HOTAIR: variants seen among roughly 807,000 people sequenced by gnomAD.
The protein encoded by HOTAIR is HOX transcript antisense RNA, also known as HOX transcript antisense RNA (non-protein coding).
chr12:53,962,366 A>T (rs1938966826), exon 7 of HOTAIR: 1 of 152,224 alleles, frequency 6.6e-6, no homozygotes, highest in Non-Finnish European at 1.5e-5. Context: ...CACACAACCT[A>T]CACAAGGAAT....
At chr12:53,969,715 G>A (rs957177885) in intron 1 of HOTAIR, among the ~76,000 whole-genome samples, 3 of 152,236 alleles carry the variant, frequency 2.0e-5, no homozygotes, top group African/African-American at 7.2e-5. Context: ...ACAAACGAGA[G>A]CGTCCATGTG....
chr12:53,972,208 G>A (rs1369302458), intron 1 of HOTAIR, among the ~76,000 whole-genome samples: 1 of 152,180 alleles, frequency 6.6e-6, no homozygotes, highest in Non-Finnish European at 1.5e-5. Context: ...GAGCCACTAA[G>A]CCAAAGGGCC....
rs372124938 is a variant in HOTAIR, at chr12:53,973,499, G to T, written n.59+1399C>A. The T allele has an allele frequency of 1.9e-5, 31 of 1,614,018 alleles. No individual in the cohort carries two copies. The African/African-American group carries it at 3.6e-4, about 19-fold the overall frequency. On this transcript the variant is annotated intron_variant and non_coding_transcript_variant, in intron 1 of 6. Coordinates refer to ENST00000424518, the Ensembl canonical transcript of HOTAIR. The surrounding 1 kb of genome is among the most constrained non-coding windows in gnomAD (Gnocchi z 4.3). ...AGCCATCCGGCAAGTGGCACCATCG[G>T]AACAGCTACTCCTCCTGCTATGCGG...
Position 53,973,622 on chromosome 12 carries a change from C to T in HOTAIR, n.59+1276G>A, listed in dbSNP as rs1232010650. On this transcript the variant is annotated intron_variant and non_coding_transcript_variant, in intron 1 of 6. Transcript: ENST00000424518. The surrounding 1 kb of genome is among the most constrained non-coding windows in gnomAD (Gnocchi z 4.3). The stretch of plus-strand genomic sequence containing the variant: ...GCTCCTACGGCGGCCACCACCACCC[C>T]AGCGCCCCGCACGCAACCCCCGCCG... 2 of 1,613,790 alleles carry T rather than the reference C, an allele frequency of 1.2e-6. No homozygotes were observed. The highest frequency in any genetic ancestry group is 1.1e-5 in the South Asian group (1 of 91,074).
chr12:53,973,101 T>C lies in HOTAIR; in HGVS notation n.59+1797A>G. ...GTCTGCGAAGTGCTCCGAACTGATA[T>C]ATGACAATATCTACTTTGGATCACG... is the stretch of plus-strand genomic sequence containing the variant. On this transcript the variant is annotated intron_variant and non_coding_transcript_variant, in intron 1 of 6. Transcript: ENST00000424518. The surrounding 1 kb of genome is among the most constrained non-coding windows in gnomAD (Gnocchi z 4.3). 3 of 645,712 alleles carry C rather than the reference T, an allele frequency of 4.6e-6. No individual in the cohort carries two copies. Among genetic ancestry groups the C allele is most frequent in the Non-Finnish European group, 7.8e-6 (3 of 384,214 alleles). The allele number at this position is 645,712 out of a possible 1,614,324, so 40.0% of individuals were successfully genotyped here.
intron 1 of HOTAIR, among the ~76,000 whole-genome samples, chr12:53,974,736 C>G (rs1246783730): frequency 6.6e-6 from 1 of 151,912 alleles, no homozygotes. Flanking sequence ...CCCCGCCTCC[C>G]GACTGCTCTC....
chr12:53,968,660 C>T (rs1325992702), exon 2 of HOTAIR: 1 of 152,424 alleles, frequency 6.6e-6, no homozygotes, highest in Non-Finnish European at 1.5e-5. Flanking sequence ...GATCAAGCTC[C>T]AGAGCACAGG....
rs766983603 is a variant in HOTAIR at position 53,973,795 on chromosome 12, C to T, written n.59+1103G>A. On this transcript the variant is annotated intron_variant and non_coding_transcript_variant, in intron 1 of 6. Coordinates refer to ENST00000424518, the Ensembl canonical transcript of HOTAIR. This position sits in a 1 kb window ranked among gnomAD's most constrained non-coding sequence, Gnocchi z 4.3. ...GCCAAGGGGGAGCCCGAGGCACCCC[C>T]GGCCTCGGGACTGGCGTCCCGGGCT... The T allele has an allele frequency of 2.7e-5, 43 of 1,592,522 alleles. No individual in the cohort carries two copies. The highest frequency in any genetic ancestry group is 1.1e-4 in the African/African-American group (8 of 73,904).
rs12427129 is a variant in HOTAIR, at chr12:53,973,906, C to T, written n.59+992G>A. ...GCCCACTCCGTGGCCAAGGAGCCGG[C>T]CAAAGGAGCCGCCCCCAGTAGGTAG... On this transcript the variant is annotated intron_variant and non_coding_transcript_variant, in intron 1 of 6. Transcript: ENST00000424518. This position sits in a 1 kb window ranked among gnomAD's most constrained non-coding sequence, Gnocchi z 4.3. 123,332 of 1,444,250 alleles carry T rather than the reference C, an allele frequency of 0.085. 5,770 individuals are homozygous for T. The highest frequency in any genetic ancestry group is 0.12 in the Admixed American group (4,223 of 34,296). The allele number at this position is 1,444,250 out of a possible 1,614,324, so 89.5% of individuals were successfully genotyped here.
chr12:53,969,099 G>A (rs1353691113), intron 1 of HOTAIR, among the ~76,000 whole-genome samples: 5 of 152,194 alleles, frequency 3.3e-5, no homozygotes, highest in South Asian at 2.1e-4. Flanking sequence ...GTGGTGAGGC[G>A]GGAGATCTGG....
intron 2 of HOTAIR, chr12:53,968,072 C>T (rs1159600661): frequency 6.6e-6 from 1 of 152,156 alleles, no homozygotes; most frequent in Non-Finnish European, 1.5e-5. Context: ...GTTAATAAAA[C>T]CTGAAAAAGC....
chr12:53,970,123 C>A (rs569404644), intron 1 of HOTAIR, among the ~76,000 whole-genome samples: 1 of 152,242 alleles, frequency 6.6e-6, no homozygotes, highest in Non-Finnish European at 1.5e-5. Flanking sequence ...TGGCTGATGG[C>A]GCTGACTGAG....
At chr12:53,967,073 C>A (rs1447858166) in intron 3 of HOTAIR, among the ~76,000 whole-genome samples, 1 of 152,146 alleles carries the variant, frequency 6.6e-6, no homozygotes, top group Non-Finnish European at 1.5e-5. Context: ...CCTCTGGGCT[C>A]ATGGAGACAT....
In HOTAIR at chr12:53,973,308, G is replaced by T. The variant is rs903945259; in HGVS notation, n.59+1590C>A. The T allele has an allele frequency of 1.2e-6, 2 of 1,613,820 alleles. No homozygotes were observed. Among genetic ancestry groups the T allele is most frequent in the South Asian group, 1.1e-5 (1 of 91,066 alleles). ...GCGCAAGGAGAGGGGCGCAGATTTC[G>T]GCGAGCGAGGGAGCTGCGCCTCCAA... On this transcript the variant is annotated intron_variant and non_coding_transcript_variant, in intron 1 of 6. Coordinates refer to ENST00000424518, the Ensembl canonical transcript of HOTAIR. This position sits in a 1 kb window ranked among gnomAD's most constrained non-coding sequence, Gnocchi z 4.3.
chr12:53,962,858 G>A (rs1254493189), exon 7 of HOTAIR: 1 of 152,112 alleles, frequency 6.6e-6, no homozygotes, highest in African/African-American at 2.4e-5. Flanking sequence ...GCAAAGTCCC[G>A]TTTGCAGCAG....
intron 3 of HOTAIR, among the ~76,000 whole-genome samples, chr12:53,966,802 G>C (rs1459899088): frequency 2.3e-5 from 3 of 129,476 alleles, no homozygotes; most frequent in African/African-American, 8.6e-5. Flanking sequence ...CAGGGAGACC[G>C]GGAGCGTAAG....
chr12:53,969,312 T>C (rs1005761762), intron 1 of HOTAIR, among the ~76,000 whole-genome samples: 2 of 152,228 alleles, frequency 1.3e-5, no homozygotes, highest in Non-Finnish European at 2.9e-5. Flanking sequence ...GTCGGGTTGC[T>C]AGCATCCTGG....
In HOTAIR at chr12:53,973,404, C is replaced by T. The variant is rs1382778901; in HGVS notation, n.59+1494G>A. 1 of 1,614,236 alleles carries T rather than the reference C, an allele frequency of 6.2e-7. No individual in the cohort carries two copies. The highest frequency in any genetic ancestry group is 8.5e-7 in the Non-Finnish European group (1 of 1,180,046). On this transcript the variant is annotated intron_variant and non_coding_transcript_variant, in intron 1 of 6. Coordinates refer to ENST00000424518, the Ensembl canonical transcript of HOTAIR. This position sits in a 1 kb window ranked among gnomAD's most constrained non-coding sequence, Gnocchi z 4.3. ...GGTCTCCTCCTTCCTGCCCCAGGCC[C>T]CCTCTCGTCAGATCTCCTATCCCTA...
At chr12:53,972,447 G>C (rs569462070) in intron 1 of HOTAIR, among the ~76,000 whole-genome samples, 12 of 152,292 alleles carry the variant, frequency 7.9e-5, no homozygotes, top group Non-Finnish European at 1.6e-4. Context: ...CTCACCACTC[G>C]TTTATGACTA....
Sources: gnomAD v4.1 joint callset for allele counts (sites outside exome capture counted in the v4.1 genomes callset) on GRCh38, gnomAD v4.1.1 for gene constraint, Gnocchi (gnomAD v3.1) non-coding constraint, MANE v1.5 for transcripts, NCBI Gene and HGNC (gene_info 2026-07-23, HGNC 2026-07-21) for gene names.